The following GAP43 variants were observed in gnomAD, a reference collection of about 807,000 sequenced individuals.
GAP43 encodes growth associated protein 43.
GAP43 carries 6 observed loss-of-function variants against 18.6 expected under a neutral mutation model. The ratio of observed to expected loss-of-function variants is 0.32; its 90% CI spans 0.18 to 0.64. The LOEUF is 0.64. Among genes scored for constraint, GAP43 ranks in the 30% least tolerant of loss-of-function variants. GAP43 has a pLI of 0.78. For missense variants in GAP43, 292 were observed against 295.5 expected (o/e 0.99, Z 0.09); for synonymous variants, 115 against 111.4 (o/e 1.03, Z -0.20).
At position 115,656,028 on chromosome 3, in the gene GAP43, C is replaced by T. The variant is rs12496117; in HGVS notation, c.31-19985C>T. Among the ~76,000 whole-genome samples, 231 of 152,270 alleles carry T rather than the reference C, an allele frequency of 1.5e-3. 4 individuals carry two copies. The highest frequency in any genetic ancestry group is 0.012 in the Admixed American group (178 of 15,302). ...GTTATCTACTTTGTCCAAAATTCAG[C>T]CTTCTCATACTCTGTGCCCTGGGGA... On this transcript the variant is annotated intron_variant, in intron 1 of 2. Transcript: ENST00000305124.
chr3:115,702,441 CAAAAG>C (rs1709308182), intron 2 of GAP43, among the ~76,000 whole-genome samples: 1 of 151,922 alleles, frequency 6.6e-6, no homozygotes, highest in Non-Finnish European at 1.5e-5. Context: ...CCCAGAATGG[CAAAAG>C]AAAAGCTAGA....
intron 2 of GAP43, among the ~76,000 whole-genome samples, chr3:115,696,714 C>A (rs1709195973): frequency 6.6e-6 from 1 of 151,976 alleles, no homozygotes; most frequent in Non-Finnish European, 1.5e-5. Flanking sequence ...GTTCAGATAT[C>A]ACCTTCTCAA....
intron 2 of GAP43, among the ~76,000 whole-genome samples, chr3:115,694,528 G>C (rs1307989845): frequency 6.6e-6 from 1 of 152,086 alleles, no homozygotes; most frequent in East Asian, 1.9e-4. Context: ...CTTGTGCCAG[G>C]CTTTCTGCTA....
At chr3:115,693,009 A>T (rs1709133666) in intron 2 of GAP43, among the ~76,000 whole-genome samples, 1 of 152,186 alleles carries the variant, frequency 6.6e-6, no homozygotes, top group African/African-American at 2.4e-5. Context: ...GCCTGGGGTC[A>T]TTTCTTCCTG....
intron 2 of GAP43, among the ~76,000 whole-genome samples, chr3:115,719,930 C>T (rs949681154): frequency 7.9e-5 from 12 of 152,088 alleles, no homozygotes; most frequent in Admixed American, 2.0e-4. Context: ...TGAGTTCTGT[C>T]GGGAAACAAA....
In GAP43 at chr3:115,693,471, T is replaced by TA. The variant is rs560274994; in HGVS notation, c.628+16868dup. ...GCCACGGGGAGACTCTGGGACCATT[T>TA]AAAAAAATCCTGTTAAATTATTATT... On this transcript the variant is annotated intron_variant, in intron 2 of 2. Transcript: ENST00000305124. Among the ~76,000 whole-genome samples, 553 of 150,440 alleles carry TA rather than the reference T, an allele frequency of 3.7e-3. 1 individual carries two copies. Among genetic ancestry groups the TA allele is most frequent in the African/African-American group, 0.013 (532 of 40,858 alleles).
intron 2 of GAP43, among the ~76,000 whole-genome samples, chr3:115,694,921 A>G (rs1317935508): frequency 2.0e-5 from 3 of 152,240 alleles, no homozygotes; most frequent in African/African-American, 7.2e-5. Flanking sequence ...AAGTATAGTA[A>G]TCATTGTCAT....
chr3:115,649,085 CA>C (rs200064263), intron 1 of GAP43, among the ~76,000 whole-genome samples: 19 of 151,178 alleles, frequency 1.3e-4, no homozygotes, highest in East Asian at 3.9e-4. Flanking sequence ...CCTGCTACTA[CA>C]AAAAAAAATC....
At chr3:115,681,642 T>C (rs1708958969) in intron 2 of GAP43, among the ~76,000 whole-genome samples, 1 of 152,140 alleles carries the variant, frequency 6.6e-6, no homozygotes, top group African/African-American at 2.4e-5. Context: ...GGGACTACGA[T>C]AGTTGGTTTT....
At chr3:115,693,367 G>C (rs1433024877) in intron 2 of GAP43, among the ~76,000 whole-genome samples, 1 of 152,066 alleles carries the variant, frequency 6.6e-6, no homozygotes, top group Non-Finnish European at 1.5e-5. Context: ...TTGAGAGCTG[G>C]GCCCTGGTTT....
intron 1 of GAP43, among the ~76,000 whole-genome samples, chr3:115,629,667 G>T (rs188876682): frequency 2.0e-5 from 3 of 151,938 alleles, no homozygotes; most frequent in Admixed American, 1.3e-4. Context: ...TCACATTCTG[G>T]TGTCTACCCT....
At chr3:115,637,230 C>A (rs1452896685) in intron 1 of GAP43, among the ~76,000 whole-genome samples, 1 of 151,990 alleles carries the variant, frequency 6.6e-6, no homozygotes, top group African/African-American at 2.4e-5. Context: ...TTTTTATGTA[C>A]CTGATTCTGC....
At chr3:115,671,578 T>C (rs1033065732) in intron 1 of GAP43, among the ~76,000 whole-genome samples, 1 of 152,202 alleles carries the variant, frequency 6.6e-6, no homozygotes, top group Non-Finnish European at 1.5e-5. Flanking sequence ...GAAAAACTTA[T>C]GGTAACTCGT....
intron 2 of GAP43, among the ~76,000 whole-genome samples, chr3:115,692,570 A>G (rs1446921554): frequency 6.6e-6 from 1 of 152,242 alleles, no homozygotes; most frequent in Non-Finnish European, 1.5e-5. Context: ...AGAGACCACG[A>G]TAGTGGGTAG....
intron 1 of GAP43, among the ~76,000 whole-genome samples, chr3:115,628,063 TA>T (rs568287834): frequency 6.6e-6 from 1 of 152,084 alleles, no homozygotes; most frequent in Non-Finnish European, 1.5e-5. Flanking sequence ...GATGTGAAAA[TA>T]AAGATCAATA....
At chr3:115,629,820 G>T (rs1708239946) in intron 1 of GAP43, among the ~76,000 whole-genome samples, 2 of 152,036 alleles carry the variant, frequency 1.3e-5, no homozygotes, top group Admixed American at 1.3e-4. Flanking sequence ...CTTTTCACAG[G>T]CTGTAGCATA....
At chr3:115,704,062 A>G (rs1709330249) in intron 2 of GAP43, among the ~76,000 whole-genome samples, 1 of 152,096 alleles carries the variant, frequency 6.6e-6, no homozygotes, top group Admixed American at 6.6e-5. Flanking sequence ...GCACACAATG[A>G]CTGCAAAATG....
At chr3:115,642,316 A>C (rs1708407512) in intron 1 of GAP43, among the ~76,000 whole-genome samples, 1 of 151,954 alleles carries the variant, frequency 6.6e-6, no homozygotes, top group African/African-American at 2.4e-5. Context: ...ATCTCCTCTA[A>C]TATTATATTA....
At chr3:115,714,731 G>A (rs190542414) in intron 2 of GAP43, among the ~76,000 whole-genome samples, 82 of 151,090 alleles carry the variant, frequency 5.4e-4, no homozygotes, top group Non-Finnish European at 1.0e-3. Flanking sequence ...AGACACATTC[G>A]GTTTTATAAT....
Sources: gnomAD v4.1 joint callset for allele counts (sites outside exome capture counted in the v4.1 genomes callset) on GRCh38, gnomAD v4.1.1 for gene constraint, MANE v1.5 for transcripts, NCBI Gene and HGNC (gene_info 2026-07-23, HGNC 2026-07-21) for gene names.